CRIPTO3: variants seen among roughly 807,000 people sequenced by gnomAD.
CRIPTO3 encodes protein CRIPTO3.
At chrX:110,521,503 C>T in the CRIPTO3 span, 2 of 1,210,910 alleles carry the variant, frequency 1.7e-6, no homozygotes, top group Admixed American at 2.2e-5. Flanking sequence ...ACCTGGCTGC[C>T]CAAGAAGTGT....
At chrX:110,521,733 T>C in the CRIPTO3 span, 3 of 1,102,477 alleles carry the variant, frequency 2.7e-6, no homozygotes, top group South Asian at 3.7e-5. Flanking sequence ...CAATTTTAGA[T>C]ATTATGCAAA....
chrX:110,520,969 T>C, the CRIPTO3 span: 2 of 533,463 alleles, frequency 3.7e-6, no homozygotes, highest in Non-Finnish European at 6.6e-6. Flanking sequence ...GACACCTTGC[T>C]CCTGCTTCTG....
chrX:110,521,638 C>T, the CRIPTO3 span: 1 of 1,211,686 alleles, frequency 8.3e-7, no homozygotes, highest in Non-Finnish European at 1.1e-6. Context: ...CCACCGTCTG[C>T]ACGTACTACC....
the CRIPTO3 span, chrX:110,521,292 G>T: frequency 8.3e-7 from 1 of 1,199,791 alleles, no homozygotes; most frequent in Non-Finnish European, 1.1e-6. Flanking sequence ...TTGGCCCCAG[G>T]AGGAGCCTGC....
the CRIPTO3 span, chrX:110,521,109 T>C: frequency 3.5e-6 from 4 of 1,141,115 alleles, no homozygotes; most frequent in East Asian, 6.0e-5. Flanking sequence ...ACGCCTCTTT[T>C]CCCCCTAATT....
the CRIPTO3 span, chrX:110,521,761 G>T: frequency 5.5e-6 from 5 of 906,482 alleles, no homozygotes; most frequent in Non-Finnish European, 8.1e-6. Context: ...ACCCGTAAAG[G>T]CTGCTGCTAC....
At chrX:110,521,939 A>T in the CRIPTO3 span, 1 of 437,260 alleles carries the variant, frequency 2.3e-6, no homozygotes, top group East Asian at 3.7e-5. Context: ...CCATATCTCC[A>T]TTGTGCCCAA....
At chrX:110,521,028 C>G in the CRIPTO3 span, 1 of 748,627 alleles carries the variant, frequency 1.3e-6, no homozygotes, top group Non-Finnish European at 2.1e-6. Context: ...CTTAAATTGC[C>G]ATTTTCGCTT....
the CRIPTO3 span, chrX:110,521,235 T>C: frequency 8.6e-7 from 1 of 1,163,348 alleles, no homozygotes; most frequent in Non-Finnish European, 1.2e-6. Flanking sequence ...CCATCAGGAA[T>C]TTGCTCGTCC....
the CRIPTO3 span, chrX:110,521,401 T>C: frequency 3.6e-5 from 43 of 1,210,339 alleles, no homozygotes; most frequent in Non-Finnish European, 4.7e-5. Flanking sequence ...ACCTGCATGC[T>C]GGAGTCCTTT....
the CRIPTO3 span, chrX:110,521,284 G>A: frequency 8.4e-7 from 1 of 1,191,830 alleles, no homozygotes; most frequent in South Asian, 1.8e-5. Flanking sequence ...GACAGCATTT[G>A]GCCCCAGGAG....
At chrX:110,521,855 C>A in the CRIPTO3 span, 1 of 508,064 alleles carries the variant, frequency 2.0e-6, no homozygotes, top group Non-Finnish European at 3.4e-6. Context: ...CATTTCCTTA[C>A]AGAACTAACT....
the CRIPTO3 span, chrX:110,522,101 ATGTGT>A: frequency 3.0e-6 from 1 of 329,555 alleles, no homozygotes; most frequent in Non-Finnish European, 5.2e-6. Flanking sequence ...GATTACAGGC[ATGTGT>A]CACCATGCCC....
chrX:110,521,922 AAGTC>A, the CRIPTO3 span: 1 of 447,923 alleles, frequency 2.2e-6, no homozygotes, highest in Non-Finnish European at 3.9e-6. Flanking sequence ...TTTCAAAAGA[AAGTC>A]AGCCATATCT....
chrX:110,522,993 A>G, the CRIPTO3 span: 21 of 110,544 alleles, frequency 1.9e-4, no homozygotes, highest in African/African-American at 6.6e-4. Flanking sequence ...AAGAAGGGAT[A>G]AAACATCTTT....
the CRIPTO3 span, chrX:110,522,773 A>G: frequency 9.0e-6 from 1 of 111,586 alleles, no homozygotes; most frequent in African/African-American, 3.3e-5. Flanking sequence ...CAATTCTTTT[A>G]ACTGTTGTAG....
chrX:110,521,311 C>G, the CRIPTO3 span: 8 of 1,206,992 alleles, frequency 6.6e-6, no homozygotes, highest in East Asian at 2.4e-4. Flanking sequence ...GCAATTCGGC[C>G]TCGGTCTTCC....
chrX:110,521,575 G>C, the CRIPTO3 span: 1 of 1,212,202 alleles, frequency 8.2e-7, no homozygotes, highest in Non-Finnish European at 1.1e-6. Flanking sequence ...CTACCCGGCT[G>C]TGATGGCCTT....
At chrX:110,521,241 C>T in the CRIPTO3 span, 12 of 1,166,377 alleles carry the variant, frequency 1.0e-5, no homozygotes, top group Non-Finnish European at 1.3e-5. Context: ...GGAATTTGCT[C>T]GTCCATCTCG....
Sources: gnomAD v4.1 joint callset for allele counts on GRCh38, gnomAD v4.1.1 for gene constraint, MANE v1.5 for transcripts, NCBI Gene and HGNC (gene_info 2026-07-23, HGNC 2026-07-21) for gene names.